Variants in FRMD4A observed in about 807,000 individuals in gnomAD.
The protein encoded by FRMD4A is FERM domain-containing protein 4A.
A neutral mutation model predicts 129.1 loss-of-function variants in FRMD4A; 29 were observed. The ratio of observed to expected loss-of-function variants is 0.22; its 90% CI spans 0.17 to 0.31. FRMD4A has a LOEUF of 0.31. FRMD4A is among the 10% of genes least tolerant of loss of function. The probability of loss-of-function intolerance (pLI) is 1.00; values close to 1 mark genes in which losing one functional copy is unlikely to be tolerated. For missense variants in FRMD4A, 1,272 were observed against 1,375.8 expected (o/e 0.92, Z 1.19); for synonymous variants, 634 against 571.6 (o/e 1.11, Z -1.56).
At chr10:13,734,988 C>A (rs192281357) in intron 12 of FRMD4A, among the ~76,000 whole-genome samples, 1 of 152,286 alleles carries the variant, frequency 6.6e-6, no homozygotes, top group Non-Finnish European at 1.5e-5. Flanking sequence ...ATTCTCCTGC[C>A]TCAGCTTCCC....
At chr10:13,802,214 A>G (rs988400014) in intron 4 of FRMD4A, among the ~76,000 whole-genome samples, 5 of 152,224 alleles carry the variant, frequency 3.3e-5, no homozygotes, top group African/African-American at 1.2e-4. Context: ...TAGCTTCTAC[A>G]TATAAAACAA....
chr10:13,876,492 G>A (rs544906014), intron 2 of FRMD4A, among the ~76,000 whole-genome samples: 15 of 152,234 alleles, frequency 9.9e-5, no homozygotes, highest in South Asian at 4.1e-4. Context: ...AAGAGTTACC[G>A]GCATCTGTTG....
chr10:14,192,866 C>G (rs1842358681), intron 2 of FRMD4A, among the ~76,000 whole-genome samples: 1 of 152,204 alleles, frequency 6.6e-6, no homozygotes, highest in Non-Finnish European at 1.5e-5. Flanking sequence ...TTTATTTATT[C>G]ACTGTTGCAT....
intron 12 of FRMD4A, among the ~76,000 whole-genome samples, chr10:13,730,018 C>G (rs1387972008): frequency 6.6e-6 from 1 of 152,148 alleles, no homozygotes; most frequent in Non-Finnish European, 1.5e-5. Context: ...CTCTTAGTGT[C>G]CTTTTGGAAA....
intron 2 of FRMD4A, among the ~76,000 whole-genome samples, chr10:14,120,809 C>T (rs1564311473): frequency 6.6e-6 from 1 of 152,214 alleles, no homozygotes; most frequent in Non-Finnish European, 1.5e-5. Flanking sequence ...GTTACAGCAG[C>T]TACTCTTGCC....
intron 9 of FRMD4A, among the ~76,000 whole-genome samples, chr10:13,740,828 T>TTTTTTG (rs1237280237): frequency 1.4e-5 from 2 of 139,610 alleles, no homozygotes. Flanking sequence ...TGGATGTTTG[T>TTTTTTG]TTTTTTTTTT....
chr10:14,167,135 TG>T (rs1383392704), intron 2 of FRMD4A, among the ~76,000 whole-genome samples: 17 of 152,310 alleles, frequency 1.1e-4, no homozygotes, highest in African/African-American at 4.1e-4. Context: ...TTTAAGGTGA[TG>T]GATATCCCAG....
At chr10:14,200,193 T>G (rs1442989461) in intron 2 of FRMD4A, among the ~76,000 whole-genome samples, 1 of 150,716 alleles carries the variant, frequency 6.6e-6, no homozygotes, top group Non-Finnish European at 1.5e-5. Context: ...GTGCCAGGCC[T>G]TATATTTTTG....
chr10:14,140,553 G>T (rs2131841127), intron 2 of FRMD4A, among the ~76,000 whole-genome samples: 2 of 152,214 alleles, frequency 1.3e-5, no homozygotes, highest in Middle Eastern at 6.8e-3. Context: ...AACCTCTGAG[G>T]CCGGGCATCA....
intron 12 of FRMD4A, among the ~76,000 whole-genome samples, chr10:13,731,765 G>A (rs1009869441): frequency 6.6e-6 from 1 of 152,012 alleles, no homozygotes; most frequent in African/African-American, 2.4e-5. Flanking sequence ...TGGGGGAGGT[G>A]CATGCATTGT....
At chr10:14,127,929 T>G (rs982606091) in intron 2 of FRMD4A, among the ~76,000 whole-genome samples, 5 of 5,972 alleles carry the variant, frequency 8.4e-4, no homozygotes, top group African/African-American at 6.4e-3. Flanking sequence ...TTTCTTTCTT[T>G]CTTTCTTTCT....
At chr10:13,812,319 AT>A (rs1247066974) in intron 3 of FRMD4A, among the ~76,000 whole-genome samples, 1 of 152,208 alleles carries the variant, frequency 6.6e-6, no homozygotes, top group Non-Finnish European at 1.5e-5. Context: ...AAATGAGTTT[AT>A]GAGGGTGGGG....
intron 12 of FRMD4A, 115 bp from the exon 13 acceptor site, chr10:13,707,228 G>T: frequency 1.3e-6 from 1 of 798,478 alleles, no homozygotes; most frequent in Non-Finnish European, 2.0e-6. Context: ...AACAGAGACC[G>T]TAGTCTGTGC....
rs369930339 is a variant in FRMD4A at position 13,683,079 on chromosome 10, C to T, written c.1118-8035G>A. Among the ~76,000 whole-genome samples the T allele has an allele frequency of 2.9e-3, 437 of 151,964 alleles. 1 individual carries two copies. The highest frequency in any genetic ancestry group is 5.2e-3 in the Non-Finnish European group (354 of 67,936). On this transcript the variant is annotated intron_variant, in intron 15 of 24. Transcript: ENST00000357447. ...GATCACCCAGGCTGGAGTGCAGTGGCGTGATCTCAGCTCACTGCAACCTCC... is the reference window on the plus strand; with the variant it reads ...GATCACCCAGGCTGGAGTGCAGTGGTGTGATCTCAGCTCACTGCAACCTCC...
At chr10:14,277,352 G>T (rs76051314) in intron 2 of FRMD4A, among the ~76,000 whole-genome samples, 8,810 of 152,262 alleles carry the variant, frequency 0.058, 298 homozygotes, top group South Asian at 0.12. Context: ...GAAGGGGGGC[G>T]GTTAGGAGGT....
rs2086836618 is a variant in FRMD4A at position 13,701,605 on chromosome 10, TCACATACACCTAGGCGTA to T, written c.837-145_837-128del. ...TGGCGTAAAGATGATAGATGAGCTC[TCACATACACCTAGGCGTA>T]CACACACACACATGCGCACACAGCT... is the stretch of plus-strand genomic sequence containing the variant. On this transcript the variant is annotated intron_variant, in intron 13 of 24. Coordinates refer to ENST00000357447, the MANE Select transcript of FRMD4A (RefSeq NM_018027.5). 5 of 771,756 alleles carry T rather than the reference TCACATACACCTAGGCGTA, an allele frequency of 6.5e-6. No homozygotes were observed. In the Admixed American group the frequency reaches 6.8e-5, roughly 10 times the overall value. The allele number at this position is 771,756 out of a possible 1,614,324, so 47.8% of individuals were successfully genotyped here.
chr10:13,660,346 A>T lies in FRMD4A; in HGVS notation c.1868T>A (p.Val623Asp). The T allele has an allele frequency of 6.2e-7, 1 of 1,613,600 alleles. No homozygotes were observed. Among genetic ancestry groups the T allele is most frequent in the East Asian group, 2.2e-5 (1 of 44,856 alleles). Residue 623 changes from valine to aspartate, a missense_variant, in exon 20 of 25, where the codon GTC becomes GAC. Val to Asp is a radical substitution (Grantham distance 152). This residue lies in a region of FRMD4A where 972 missense variants were observed against 892.3 expected (regional missense o/e 1.09). Coordinates refer to ENST00000357447, the MANE Select transcript of FRMD4A (RefSeq NM_018027.5). ...ATGGCTGTGAGAGGAGCGCTTCTTG[A>T]CCTTCTCATAGGGTTCATCTAAAGA... Reference protein sequence around the residue: ...ESSLDEPYEKVKKRSSHSHSS... With the variant: ...ESSLDEPYEKDKKRSSHSHSS...
In FRMD4A at chr10:13,821,386, C is replaced by T. The variant is rs184237909; in HGVS notation, c.112-10478G>A. On this transcript the variant is annotated intron_variant, in intron 3 of 24. Coordinates refer to ENST00000357447, the MANE Select transcript of FRMD4A (RefSeq NM_018027.5). The surrounding 1 kb of genome is among the most constrained non-coding windows in gnomAD (Gnocchi z 4.3). ...CACCCAGAACAGGTAGGAGAGACCCCGAAGCCAAGATCAGAGACCCGCCTG... is the reference window on the plus strand; with the variant it reads ...CACCCAGAACAGGTAGGAGAGACCCTGAAGCCAAGATCAGAGACCCGCCTG... Among the ~76,000 whole-genome samples, 5 of 152,202 alleles carry T rather than the reference C, an allele frequency of 3.3e-5. No homozygotes were observed. The highest frequency in any genetic ancestry group is 1.3e-4 in the Admixed American group (2 of 15,286).
At chr10:13,972,299 C>CA in intron 2 of FRMD4A, 2 of 987,554 alleles carry the variant, frequency 2.0e-6, no homozygotes, top group Non-Finnish European at 2.4e-6. Flanking sequence ...TAACTCTTTA[C>CA]AACTTGGAGA....
Sources: gnomAD v4.1 joint callset for allele counts (sites outside exome capture counted in the v4.1 genomes callset) on GRCh38, gnomAD v4.1.1 for gene constraint, gnomAD v4.1.1 regional missense constraint, Gnocchi (gnomAD v3.1) non-coding constraint, MANE v1.5 for transcripts, NCBI Gene and HGNC (gene_info 2026-07-23, HGNC 2026-07-21) for gene names.